Variants in PERM1 observed in about 807,000 individuals in gnomAD.
PERM1 encodes the protein PPARGC1 and ESRR induced regulator, muscle 1.
In PERM1, 45 loss-of-function variants were observed where a neutral mutation model predicts 44.1. The observed-to-expected ratio is 1.02, with a 90% CI of 0.80 to 1.31. PERM1 has a LOEUF of 1.31. Among genes scored for constraint, PERM1 ranks in the 50% most tolerant of loss-of-function variants. PERM1 has a pLI of 0.00. For missense variants in PERM1, 1,189 were observed against 1,106.9 expected (o/e 1.07, Z -1.05); for synonymous variants, 565 against 477.1 (o/e 1.18, Z -2.40).
rs1260114995 is a variant in PERM1 at position 976,546 on chromosome 1, C to T, written c.2228G>A (p.Trp743Ter). ...ATGCGGATCTGACGTCCTCACAGCC[C>T]AGGTGGCAAAAGCTACAAACACCAG... Residue 743 changes from tryptophan (W) to a stop codon, truncating the protein, a stop_gained, in exon 2 of 3, where the codon TGG becomes TAG. Transcript: ENST00000433179. LOFTEE classifies it high-confidence loss of function. 1.3e-6 allele frequency: 2 copies of T among 1,549,472 alleles called. No individual in the cohort carries two copies. The highest frequency in any genetic ancestry group is 2.4e-5 in the East Asian group (1 of 40,928).
At position 976,625 on chromosome 1, in the gene PERM1, C is replaced by T; in HGVS notation, c.2150-1G>A. The T allele has an allele frequency of 6.5e-7, 1 of 1,549,174 alleles. No individual in the cohort carries two copies. Among genetic ancestry groups the T allele is most frequent in the South Asian group, 1.2e-5 (1 of 84,052 alleles). On this transcript the variant is annotated splice_acceptor_variant, in intron 1 of 2. Transcript: ENST00000433179. LOFTEE classifies it high-confidence loss of function. ...GATGGGACAGGCCCCCGGAGCTCCC[C>T]TAGGACAGAAGCTCACCTTCAGCCC... is the stretch of plus-strand genomic sequence containing the variant.
chr1:978,832 C>CGTCAAGG (rs1350461532), intron 1 of PERM1, 49 bp downstream of exon 2: 3 of 1,419,858 alleles, frequency 2.1e-6, no homozygotes, highest in African/African-American at 1.5e-5. Context: ...GATCCCTGGA[C>CGTCAAGG]AGTGTGTGCC....
At chr1:979,874 G>A in exon 1 of PERM1, 1 of 1,549,100 alleles carries the variant, frequency 6.5e-7, no homozygotes, top group Non-Finnish European at 8.7e-7. Context: ...GGTGTAGACA[G>A]AGCCACACTG....
chr1:978,850 T>A (rs1330749640), intron 1 of PERM1, 31 bp downstream of exon 2: 2 of 1,445,980 alleles, frequency 1.4e-6, no homozygotes, highest in East Asian at 5.0e-5. Context: ...GCCTGGGATC[T>A]GGACGGGCTG....
At chr1:980,420 T>A (rs1307060813) in exon 1 of PERM1, 1 of 1,549,268 alleles carries the variant, frequency 6.5e-7, no homozygotes, top group South Asian at 1.2e-5. Context: ...GGGGAGCCCG[T>A]CTGGGCAGAA....
chr1:980,720 T>C, exon 1 of PERM1: 1 of 1,418,698 alleles, frequency 7.0e-7, no homozygotes, highest in Non-Finnish European at 9.2e-7. Context: ...GCGGACGTGC[T>C]GGGTGTCTGC....
intron 2 of PERM1, 37 bp downstream of exon 3, chr1:976,462 T>G: frequency 6.5e-7 from 1 of 1,549,282 alleles, no homozygotes; most frequent in African/African-American, 1.4e-5. Context: ...CGGTCTGGCT[T>G]CTAGGCGCAG....
exon 1 of PERM1, chr1:980,947 A>G: frequency 2.1e-6 from 3 of 1,444,126 alleles, no homozygotes; most frequent in Non-Finnish European, 2.7e-6. Flanking sequence ...GCCGGCCTGC[A>G]GGAGGCCACA....
At chr1:976,692 G>T in intron 1 of PERM1, 68 bp from the exon 3 acceptor site, 1 of 1,531,600 alleles carries the variant, frequency 6.5e-7, no homozygotes, top group South Asian at 1.2e-5. Flanking sequence ...GCCCGCCCCG[G>T]GAACCGCCTG....
exon 3 of PERM1, chr1:975,483 G>T (rs1355658492): frequency 6.6e-6 from 1 of 152,324 alleles, no homozygotes; most frequent in African/African-American, 2.4e-5. Flanking sequence ...TCCCGGGGAG[G>T]GGCTCGCGGC....
chr1:979,315 G>C (rs1643717603), exon 1 of PERM1: 3 of 1,536,986 alleles, frequency 2.0e-6, no homozygotes, highest in Admixed American at 2.0e-5. Flanking sequence ...GCTGCTCCCG[G>C]GCCCGACCCT....
chr1:980,597 G>T, exon 1 of PERM1: 2 of 1,451,728 alleles, frequency 1.4e-6, no homozygotes, highest in East Asian at 2.5e-5. Flanking sequence ...CGTGGGGCAG[G>T]GCCCTGCAGA....
chr1:981,886 C>T (rs1643799188), upstream of PERM1: 1 of 238,834 alleles, frequency 4.2e-6, no homozygotes, highest in Non-Finnish European at 6.8e-6. Flanking sequence ...AGGTCAGCCC[C>T]TCTGGACCCA....
intron 1 of PERM1, 39 bp from the exon 3 acceptor site, chr1:976,663 C>T (rs1247900411): frequency 1.3e-6 from 2 of 1,547,296 alleles, no homozygotes; most frequent in South Asian, 1.2e-5. Context: ...CGGCTGCACT[C>T]AGAGATGGCC....
exon 2 of PERM1, chr1:976,548 G>A (rs1430717104): frequency 1.7e-5 from 26 of 1,549,580 alleles, no homozygotes; most frequent in Non-Finnish European, 2.2e-5. Flanking sequence ...TCACAGCCCA[G>A]GTGGCAAAAG....
At chr1:981,985 TG>T, upstream of PERM1, 1 of 1,194,830 alleles carries the variant, frequency 8.4e-7, no homozygotes, top group Non-Finnish European at 1.1e-6. Flanking sequence ...CCCTCCTCTC[TG>T]GTCTCTTGAG....
intron 2 of PERM1, 55 bp downstream of exon 3, chr1:976,444 G>A: frequency 1.3e-6 from 2 of 1,548,674 alleles, no homozygotes; most frequent in South Asian, 1.2e-5. Context: ...CGTCCTGCCA[G>A]CGCCCCTCGG....
chr1:978,664 C>T (rs1015101080), intron 1 of PERM1, among the ~76,000 whole-genome samples: 4 of 152,210 alleles, frequency 2.6e-5, no homozygotes, highest in Admixed American at 1.3e-4. Flanking sequence ...AGGGCAACGG[C>T]GGCGCAGAGC....
At chr1:978,364 G>T (rs1377900419) in intron 1 of PERM1, among the ~76,000 whole-genome samples, 1 of 146,452 alleles carries the variant, frequency 6.8e-6, no homozygotes, top group Non-Finnish European at 1.5e-5. Flanking sequence ...CCTGAGAACT[G>T]GTTGCCCCGG....
Sources: allele counts gnomAD v4.1 joint callset (sites outside exome capture counted in the v4.1 genomes callset), GRCh38; gene constraint gnomAD v4.1.1; transcripts MANE v1.5; gene names NCBI Gene and HGNC (gene_info 2026-07-23, HGNC 2026-07-21).